ANK1: variants seen among roughly 807,000 people sequenced by gnomAD.
The protein encoded by ANK1 is ankyrin-1.
In ANK1, 51 loss-of-function variants were observed where a neutral mutation model predicts 210.4. The observed-to-expected ratio is 0.24, with a 90% confidence interval of 0.19 to 0.31. The LOEUF is 0.31. Among genes scored for constraint, ANK1 ranks in the 10% least tolerant of loss-of-function variants. The pLI, the probability that ANK1 is intolerant of heterozygous loss-of-function variation, is 1.00. For synonymous variants in ANK1, 967 were observed against 1,025.9 expected, an observed-to-expected ratio of 0.94 and a Z score of 1.10; for missense variants, 2,051 against 2,504.4, an observed-to-expected ratio of 0.82 and a Z score of 3.86.
intron 37 of ANK1, among the ~76,000 whole-genome samples, chr8:41,683,431 C>T (rs1324219740): frequency 2.6e-5 from 4 of 152,126 alleles, no homozygotes; most frequent in East Asian, 1.9e-4. Context: ...GTAGGGGCTC[C>T]GTGCCCAGGC....
intron 9 of ANK1, 101 bp from the exon 10 acceptor site, chr8:41,719,959 A>T: frequency 7.3e-7 from 1 of 1,370,416 alleles, no homozygotes; most frequent in Non-Finnish European, 1.0e-6. Context: ...TTCCCTACAC[A>T]ATGTTTCCAC....
chr8:41,868,975 A>C (rs929325817), intron 1 of ANK1, among the ~76,000 whole-genome samples: 5 of 152,202 alleles, frequency 3.3e-5, no homozygotes, highest in African/African-American at 1.2e-4. Context: ...CCTGATCATA[A>C]AGGGGAATAT....
intron 1 of ANK1, among the ~76,000 whole-genome samples, chr8:41,820,339 GT>G (rs1804039351): frequency 8.2e-5 from 1 of 12,194 alleles, no homozygotes; most frequent in South Asian, 3.1e-3. Context: ...GTGTGTGTGT[GT>G]GTGTGTGTGT....
intron 1 of ANK1, among the ~76,000 whole-genome samples, chr8:41,827,909 T>C (rs1477288076): frequency 6.7e-6 from 1 of 148,304 alleles, no homozygotes; most frequent in Non-Finnish European, 1.5e-5. Context: ...CACACTCACG[T>C]GCACACACCC....
At chr8:41,865,723 C>G (rs1030814019) in intron 1 of ANK1, among the ~76,000 whole-genome samples, 14 of 152,134 alleles carry the variant, frequency 9.2e-5, no homozygotes, top group Non-Finnish European at 1.6e-4. Context: ...CCTCCTCCCC[C>G]CAGCAGTCCC....
rs1248999064 is a variant in ANK1, at chr8:41,797,424, C to T, written c.27+88G>A. On this transcript the variant is annotated intron_variant, in intron 1 of 42. Transcript: ENST00000289734. The surrounding 1 kb of genome is among the most constrained non-coding windows in gnomAD (Gnocchi z 4.0). ...GAGGCGGGTGGGGTGTGCAAAGCTG[C>T]TCTTGCTCGCGTGCTGCCTACTGGC... The T allele has an allele frequency of 1.6e-6, 2 of 1,263,722 alleles. No homozygotes were observed. Among genetic ancestry groups the T allele is most frequent in the African/African-American group, 1.5e-5 (1 of 67,330 alleles). The allele number at this position is 1,263,722 out of a possible 1,614,324, so 78.3% of individuals were successfully genotyped here.
At chr8:41,701,873 G>A (rs948292236) in intron 21 of ANK1, among the ~76,000 whole-genome samples, 179 bp downstream of exon 21, 1 of 152,198 alleles carries the variant, frequency 6.6e-6, no homozygotes, top group African/African-American at 2.4e-5. Context: ...TAGTCCTCGG[G>A]CCGCTAGGTG....
intron 26 of ANK1, among the ~76,000 whole-genome samples, chr8:41,695,919 T>C (rs1430791795): frequency 6.6e-6 from 1 of 151,882 alleles, no homozygotes; most frequent in Non-Finnish European, 1.5e-5. Context: ...AGCCGGGTAC[T>C]TCCCTCGTCC....
rs189625437 is a variant in ANK1, at chr8:41,794,980, C to T, written c.27+2532G>A. Among the ~76,000 whole-genome samples, 22 of 152,118 alleles carry T rather than the reference C, an allele frequency of 1.4e-4. No homozygotes were observed. In the East Asian group the frequency reaches 3.1e-3, roughly 22 times the overall value. The stretch of plus-strand genomic sequence containing the variant: ...TGGCCTCCCAAAGTGCTGGGATTAC[C>T]GGCGTGAGCCACCGTGCCTGGCCGT... On this transcript the variant is annotated intron_variant, in intron 1 of 42. Transcript: ENST00000289734.
At chr8:41,765,387 C>T (rs922194980) in intron 1 of ANK1, among the ~76,000 whole-genome samples, 6 of 144,888 alleles carry the variant, frequency 4.1e-5, no homozygotes, top group African/African-American at 1.5e-4. Flanking sequence ...GCTGAAACTA[C>T]AGGCGTGCAC....
intron 23 of ANK1, 100 bp from the exon 24 acceptor site, chr8:41,698,221 C>T (rs1358006988): frequency 4.1e-5 from 51 of 1,247,962 alleles, no homozygotes; most frequent in Middle Eastern, 1.9e-4. Flanking sequence ...CTTTCCACTC[C>T]AGAGCCTGAC....
intron 1 of ANK1, among the ~76,000 whole-genome samples, chr8:41,805,487 T>C (rs1392583393): frequency 6.6e-6 from 1 of 152,054 alleles, no homozygotes; most frequent in East Asian, 1.9e-4. Flanking sequence ...GCTCAAGCGA[T>C]CCTCCTGATT....
intron 1 of ANK1, among the ~76,000 whole-genome samples, chr8:41,779,288 C>T (rs1844781887): frequency 6.6e-6 from 1 of 152,132 alleles, no homozygotes; most frequent in African/African-American, 2.4e-5. Flanking sequence ...CACTCTGTTG[C>T]CCAGGCTGGA....
At chr8:41,826,744 T>C (rs1231218986) in intron 1 of ANK1, among the ~76,000 whole-genome samples, 1 of 152,232 alleles carries the variant, frequency 6.6e-6, no homozygotes, top group African/African-American at 2.4e-5. Context: ...GAATAATACA[T>C]GTTTTCCCAG....
chr8:41,668,515 C>T lies in ANK1; in HGVS notation c.5146G>A (p.Ala1716Thr). The T allele has an allele frequency of 1.2e-6, 2 of 1,614,200 alleles. No individual in the cohort carries two copies. The highest frequency in any genetic ancestry group is 1.7e-6 in the Non-Finnish European group (2 of 1,180,026). Residue 1716 changes from alanine (A) to threonine (T), a missense_variant, in exon 39 of 43, where the codon GCT (alanine) becomes ACT (threonine). Coordinates refer to ENST00000289734, the MANE Select transcript of ANK1 (RefSeq NM_000037.4). ...DGSIVSYLQD[A>T]AQGSWQEEVT... ...TCCTCTTGCCAGGAACCTTGTGCAG[C>T]ATCTTGCAGGTATGAGACAATCGAG...
intron 1 of ANK1, among the ~76,000 whole-genome samples, chr8:41,875,714 G>C (rs1195149782): frequency 6.6e-6 from 1 of 152,042 alleles, no homozygotes; most frequent in African/African-American, 2.4e-5. Flanking sequence ...GCTCGTAGAA[G>C]AACACGCTTT....
intron 37 of ANK1, among the ~76,000 whole-genome samples, chr8:41,678,410 G>A (rs943896676): frequency 4.5e-4 from 68 of 152,146 alleles, no homozygotes; most frequent in Admixed American, 1.5e-3. Context: ...CAAAAGTGCT[G>A]GGGTTACAGA....
intron 1 of ANK1, among the ~76,000 whole-genome samples, chr8:41,822,777 C>T (rs1029202036): frequency 6.6e-6 from 1 of 152,210 alleles, no homozygotes; most frequent in African/African-American, 2.4e-5. Flanking sequence ...TGCTACCATC[C>T]CACCAACAGG....
At chr8:41,804,755 TA>T (rs1449727791) in intron 1 of ANK1, among the ~76,000 whole-genome samples, 2 of 152,194 alleles carry the variant, frequency 1.3e-5, no homozygotes, top group Non-Finnish European at 2.9e-5. Context: ...GCTTAAACTT[TA>T]CACATCTCCA....
Sources: gnomAD v4.1 joint callset for allele counts (sites outside exome capture counted in the v4.1 genomes callset) on GRCh38, gnomAD v4.1.1 for gene constraint, Gnocchi (gnomAD v3.1) non-coding constraint, MANE v1.5 for transcripts, NCBI Gene and HGNC (gene_info 2026-07-23, HGNC 2026-07-21) for gene names.